The following DIAPH2 variants were observed in gnomAD, a reference collection of about 807,000 sequenced individuals.
DIAPH2 encodes the protein diaphanous related formin 2, also known as protein diaphanous homolog 2.
A neutral mutation model predicts 92.7 loss-of-function variants in DIAPH2; 35 were observed. The observed-to-expected ratio is 0.38, with a 90% CI of 0.29 to 0.50. The LOEUF is 0.50. Among genes scored for constraint, DIAPH2 ranks in the 20% least tolerant of loss-of-function variants. DIAPH2 has a pLI of 0.94. For missense variants in DIAPH2, 701 were observed against 819.5 expected (o/e 0.86, Z 1.77); for synonymous variants, 301 against 280.4 (o/e 1.07, Z -0.73).
At chrX:96,962,239 C>T (rs2065853205) in intron 16 of DIAPH2, among the ~76,000 whole-genome samples, 1 of 93,181 alleles carries the variant, frequency 1.1e-5, no homozygotes, top group African/African-American at 4.0e-5. Context: ...ATGTTACATC[C>T]TCTTGCTAAA....
intron 22 of DIAPH2, among the ~76,000 whole-genome samples, chrX:97,179,568 C>A (rs182494294): frequency 6.2e-4 from 69 of 111,635 alleles, no homozygotes; most frequent in African/African-American, 2.2e-3. Context: ...GCATAGTATT[C>A]CATGATGTAT....
At chrX:96,867,934 C>T (rs925891708) in intron 4 of DIAPH2, among the ~76,000 whole-genome samples, 6 of 111,721 alleles carry the variant, frequency 5.4e-5, no homozygotes, top group Non-Finnish European at 1.1e-4. Flanking sequence ...ATCTCTTATA[C>T]AACTTATCAA....
rs189462824 is a variant in DIAPH2, at chrX:97,207,960, T to G, written c.2720-39755T>G. Reference sequence around the variant, plus strand: ...CGAGGTCAGGAGTTCGAGACCAGCCTGGCCAACATGGTGAAACCCTGTCTC... The same window carrying G: ...CGAGGTCAGGAGTTCGAGACCAGCCGGGCCAACATGGTGAAACCCTGTCTC... On this transcript the variant is annotated intron_variant, in intron 22 of 26. Coordinates refer to ENST00000324765, the MANE Select transcript of DIAPH2 (RefSeq NM_006729.5). Among the ~76,000 whole-genome samples, 60 of 111,309 alleles carry G rather than the reference T, an allele frequency of 5.4e-4. No homozygotes were observed. In the East Asian group the frequency reaches 0.017, roughly 31 times the overall value.
At position 97,189,437 on chromosome X, in the gene DIAPH2, C is replaced by T. The variant is rs28433757; in HGVS notation, c.2719+47643C>T. ...TTTTCTCAGAATCAGTCGTCCCCCC[C>T]CCTCCCTCCCTCCCACCCTCCCTCT... On this transcript the variant is annotated intron_variant, in intron 22 of 26. Coordinates refer to ENST00000324765, the MANE Select transcript of DIAPH2 (RefSeq NM_006729.5). 6.7e-5 allele frequency among the ~76,000 whole-genome samples: 6 copies of T among 89,316 alleles called. No homozygotes were observed. The East Asian group carries it at 1.5e-3, about 22-fold the overall frequency. The allele number at this position is 89,316 out of a possible 115,157, so 77.6% of individuals were successfully genotyped here.
intron 1 of DIAPH2, among the ~76,000 whole-genome samples, chrX:96,724,930 T>C (rs745548944): frequency 1.8e-5 from 2 of 111,838 alleles, no homozygotes; most frequent in East Asian, 5.6e-4. Context: ...CTTTTTTATA[T>C]TGCAACTGAT....
At chrX:96,934,175 C>T (rs2065641724) in intron 10 of DIAPH2, among the ~76,000 whole-genome samples, 1 of 111,572 alleles carries the variant, frequency 9.0e-6, no homozygotes, top group Non-Finnish European at 1.9e-5. Context: ...TACTACATAC[C>T]TCACATGTCA....
intron 23 of DIAPH2, among the ~76,000 whole-genome samples, chrX:97,298,224 A>C (rs1236303583): frequency 1.9e-5 from 2 of 104,029 alleles, no homozygotes; most frequent in Non-Finnish European, 3.9e-5. Context: ...AAACGGTATA[A>C]GTTTTTCAGG....
chrX:96,846,044 C>T (rs1394489552), intron 4 of DIAPH2, among the ~76,000 whole-genome samples: 1 of 111,060 alleles, frequency 9.0e-6, no homozygotes, highest in Non-Finnish European at 1.9e-5. Flanking sequence ...AGGTGATCCA[C>T]CCGTCTCGGC....
At chrX:97,025,539 C>T (rs1257900268) in intron 17 of DIAPH2, among the ~76,000 whole-genome samples, 2 of 109,625 alleles carry the variant, frequency 1.8e-5, no homozygotes, top group African/African-American at 6.7e-5. Flanking sequence ...GTAGTCCCAG[C>T]TACTCGGGAG....
At chrX:96,842,359 A>G (rs1260614826) in intron 4 of DIAPH2, among the ~76,000 whole-genome samples, 1 of 112,358 alleles carries the variant, frequency 8.9e-6, no homozygotes, top group Non-Finnish European at 1.9e-5. Context: ...TGAGCTGGAA[A>G]TAAACGTAGC....
Position 97,237,231 on chromosome X carries a change from A to G in DIAPH2, c.2720-10484A>G, listed in dbSNP as rs754511197. On this transcript the variant is annotated intron_variant, in intron 22 of 26. Coordinates refer to ENST00000324765, the MANE Select transcript of DIAPH2 (RefSeq NM_006729.5). ...TTTTAAGCCTTTCTATTGTTATATT[A>G]AGTAGCCTCCTTTGACAACCTACAC... 2.7e-5 allele frequency among the ~76,000 whole-genome samples: 3 copies of G among 112,203 alleles called. No individual in the cohort carries two copies. In the South Asian group the frequency reaches 1.1e-3, roughly 42 times the overall value.
intron 23 of DIAPH2, among the ~76,000 whole-genome samples, chrX:97,271,139 T>C (rs963963354): frequency 4.5e-5 from 5 of 111,293 alleles, no homozygotes; most frequent in Non-Finnish European, 9.4e-5. Flanking sequence ...TGCACCTGTA[T>C]ACATGCCTTA....
At chrX:97,323,181 T>C (rs1192346593) in intron 23 of DIAPH2, among the ~76,000 whole-genome samples, 2 of 106,468 alleles carry the variant, frequency 1.9e-5, no homozygotes, top group Non-Finnish European at 3.9e-5. Context: ...GCTGGGATTA[T>C]AGGCATGAGC....
intron 26 of DIAPH2, among the ~76,000 whole-genome samples, chrX:97,498,289 T>C (rs1387932508): frequency 8.9e-6 from 1 of 112,358 alleles, no homozygotes; most frequent in Non-Finnish European, 1.9e-5. Context: ...TGGTTTCTAC[T>C]GCCATGTGGC....
intron 24 of DIAPH2, among the ~76,000 whole-genome samples, chrX:97,382,496 G>A (rs1021481854): frequency 1.8e-5 from 2 of 111,987 alleles, no homozygotes; most frequent in Non-Finnish European, 3.8e-5. Context: ...ATCCCACAAC[G>A]CATAGGACAG....
intron 4 of DIAPH2, among the ~76,000 whole-genome samples, chrX:96,859,855 A>G (rs1387904717): frequency 9.1e-6 from 1 of 110,469 alleles, no homozygotes; most frequent in Non-Finnish European, 1.9e-5. Context: ...GTTAGGCAGG[A>G]TGGTCTCGAT....
chrX:96,803,347 A>G (rs1035920066), intron 4 of DIAPH2, among the ~76,000 whole-genome samples: 3 of 112,084 alleles, frequency 2.7e-5, no homozygotes, highest in Non-Finnish European at 5.6e-5. Context: ...AAATTAAAGA[A>G]TGAGAGACCC....
intron 1 of DIAPH2, among the ~76,000 whole-genome samples, chrX:96,686,339 A>C (rs1239041564): frequency 9.0e-6 from 1 of 111,353 alleles, no homozygotes; most frequent in African/African-American, 3.3e-5. Flanking sequence ...GTTTCCACAA[A>C]TGGTTTGGTA....
At chrX:97,502,829 G>A (rs1330427277) in intron 26 of DIAPH2, among the ~76,000 whole-genome samples, 1 of 112,350 alleles carries the variant, frequency 8.9e-6, no homozygotes. Flanking sequence ...ATTTCAAGTA[G>A]GCGCTGAAAT....
Sources: allele counts gnomAD v4.1 joint callset (sites outside exome capture counted in the v4.1 genomes callset), GRCh38; gene constraint gnomAD v4.1.1; transcripts MANE v1.5; gene names NCBI Gene and HGNC (gene_info 2026-07-23, HGNC 2026-07-21).